The following KANK1 variants were observed in gnomAD, a reference collection of about 807,000 sequenced individuals.
KANK1 encodes the protein KN motif and ankyrin repeat domains 1, also known as KN motif and ankyrin repeat domain-containing protein 1.
A neutral mutation model predicts 106.2 loss-of-function variants in KANK1; 109 were observed. The ratio of observed to expected loss-of-function variants is 1.03; its 90% CI spans 0.88 to 1.20. KANK1 has a LOEUF of 1.20. KANK1 is among the 50% of genes most tolerant of loss of function. The probability of loss-of-function intolerance (pLI) is 0.00; values close to 1 mark genes in which losing one functional copy is unlikely to be tolerated. For synonymous variants in KANK1, 873 were observed against 652.2 expected, an observed-to-expected ratio of 1.34 and a Z score of -5.16; for missense variants, 2,399 against 1,710.7, an observed-to-expected ratio of 1.40 and a Z score of -7.10.
rs764903391 is a variant in KANK1, at chr9:660,071, A to G, written c.-83-16819A>G. On this transcript the variant is annotated intron_variant, in intron 1 of 11. Transcript: ENST00000382297. ...ACCTGTCCTGCTGGCACTGAGGATT[A>G]TATCCATATAAGAATTCATCCAACA... is the stretch of plus-strand genomic sequence containing the variant. 52 of 420,570 alleles carry G rather than the reference A, an allele frequency of 1.2e-4. 1 individual carries two copies. The highest frequency in any genetic ancestry group is 3.9e-4 in the Admixed American group (16 of 41,342). 26.1% of individuals were successfully genotyped at this position (420,570 alleles called of 1,614,324 possible).
intron 1 of KANK1, among the ~76,000 whole-genome samples, chr9:561,898 C>T (rs1816545362): frequency 6.6e-6 from 1 of 152,116 alleles, no homozygotes; most frequent in African/African-American, 2.4e-5. Flanking sequence ...TAGAAATTGA[C>T]CAAGGAAGAG....
In KANK1 at chr9:518,537, C is replaced by T. The variant is rs1454083542; in HGVS notation, c.-84+13783C>T. Among the ~76,000 whole-genome samples the T allele has an allele frequency of 4.0e-5, 6 of 151,810 alleles. No individual in the cohort carries two copies. In the East Asian group the frequency reaches 9.6e-4, roughly 24 times the overall value. On this transcript the variant is annotated intron_variant, in intron 1 of 11. Transcript: ENST00000382297. ...TCTAGAATCGAAACTCTACTATTTC[C>T]TGCGAGGTGTATGTTTTCTTTGCTT...
intron 2 of KANK1, chr9:693,308 C>G (rs549804694): frequency 2.1e-4 from 170 of 828,930 alleles, no homozygotes; most frequent in Non-Finnish European, 2.4e-4. Flanking sequence ...AGCTGCTGTG[C>G]TATAGCTCAA....
intron 1 of KANK1, among the ~76,000 whole-genome samples, chr9:630,195 C>T (rs529302184): frequency 6.6e-6 from 1 of 152,022 alleles, no homozygotes; most frequent in South Asian, 2.1e-4. Flanking sequence ...CTGCAGTGAG[C>T]TGAGGTTGCA....
rs974641108 is a variant in KANK1, at chr9:646,955, C to G, written c.-83-29935C>G. Among the ~76,000 whole-genome samples the G allele has an allele frequency of 9.9e-5, 15 of 150,818 alleles. 2 individuals carry two copies. The highest frequency in any genetic ancestry group is 3.0e-4 in the African/African-American group (12 of 40,148). On this transcript the variant is annotated intron_variant, in intron 1 of 11. Transcript: ENST00000382297. The stretch of plus-strand genomic sequence containing the variant: ...TGAAGTAATCCACCCGCCTCAGCCT[C>G]CCAAAGTATTGGGATTACCGGCGTG...
At chr9:616,076 G>C (rs1831754646) in intron 1 of KANK1, among the ~76,000 whole-genome samples, 2 of 152,140 alleles carry the variant, frequency 1.3e-5, no homozygotes, top group African/African-American at 2.4e-5. Flanking sequence ...TCCCCACCCA[G>C]CATCAGCCGA....
At chr9:638,299 G>A (rs1339098363) in intron 1 of KANK1, among the ~76,000 whole-genome samples, 5 of 152,238 alleles carry the variant, frequency 3.3e-5, no homozygotes, top group East Asian at 3.9e-4. Context: ...TGTGGTAAAC[G>A]CCTTCTTGCT....
chr9:656,870 A>T (rs1225004611), intron 1 of KANK1, among the ~76,000 whole-genome samples: 1 of 148,554 alleles, frequency 6.7e-6, no homozygotes, highest in African/African-American at 2.4e-5. Flanking sequence ...TGCTACTTCT[A>T]CTTTTTTCCT....
chr9:612,931 C>T (rs1427478467), intron 1 of KANK1, among the ~76,000 whole-genome samples: 1 of 152,120 alleles, frequency 6.6e-6, no homozygotes, highest in African/African-American at 2.4e-5. Flanking sequence ...TGGTTACATG[C>T]AGAGGATCCC....
At chr9:623,467 A>G (rs911376179) in intron 1 of KANK1, among the ~76,000 whole-genome samples, 15 of 151,948 alleles carry the variant, frequency 9.9e-5, no homozygotes, top group African/African-American at 2.7e-4. Flanking sequence ...GCATGCACCT[A>G]TAGTCTCAGT....
intron 1 of KANK1, among the ~76,000 whole-genome samples, chr9:619,073 T>G (rs923660201): frequency 2.0e-5 from 3 of 152,292 alleles, no homozygotes; most frequent in African/African-American, 7.2e-5. Flanking sequence ...GGAGAGAAAA[T>G]GGCCATAACT....
At chr9:722,329 CTG>C (rs1554708584) in intron 3 of KANK1, among the ~76,000 whole-genome samples, 1 of 152,058 alleles carries the variant, frequency 6.6e-6, no homozygotes, top group African/African-American at 2.4e-5. Flanking sequence ...CTCTCTCTCT[CTG>C]TCTCTCTGTC....
At chr9:608,129 C>G (rs1394178941) in intron 1 of KANK1, among the ~76,000 whole-genome samples, 2 of 147,676 alleles carry the variant, frequency 1.4e-5, no homozygotes, top group Non-Finnish European at 3.0e-5. Flanking sequence ...GCTCCGCTTC[C>G]CGGGTTCACG....
At chr9:662,716 C>T (rs1296274992) in intron 1 of KANK1, among the ~76,000 whole-genome samples, 3 of 147,896 alleles carry the variant, frequency 2.0e-5, no homozygotes, top group East Asian at 4.0e-4. Context: ...GGCTGGAGTG[C>T]AGTGGCGCGA....
At chr9:639,486 T>G (rs775822548) in intron 1 of KANK1, among the ~76,000 whole-genome samples, 1 of 151,940 alleles carries the variant, frequency 6.6e-6, no homozygotes, top group African/African-American at 2.4e-5. Context: ...CTGGCTAGTT[T>G]TTGTATTCTT....
intron 2 of KANK1, among the ~76,000 whole-genome samples, chr9:702,629 T>G (rs887211340): frequency 5.3e-5 from 8 of 152,024 alleles, no homozygotes; most frequent in Admixed American, 2.0e-4. Flanking sequence ...CCACTGGGTA[T>G]TATAACATTT....
At chr9:522,284 G>A (rs56024310) in intron 1 of KANK1, among the ~76,000 whole-genome samples, 1,592 of 151,742 alleles carry the variant, frequency 0.01, 87 homozygotes, top group African/African-American at 0.036. Context: ...GAAAGATGCC[G>A]CAAGTGTTTT....
intron 1 of KANK1, among the ~76,000 whole-genome samples, chr9:595,128 C>T (rs915190005): frequency 2.6e-5 from 4 of 151,750 alleles, no homozygotes; most frequent in Admixed American, 6.6e-5. Context: ...TAAAATGCAA[C>T]GATGGCCCGG....
At chr9:660,694 C>A (rs1289889740) in intron 1 of KANK1, among the ~76,000 whole-genome samples, 1 of 152,130 alleles carries the variant, frequency 6.6e-6, no homozygotes, top group Non-Finnish European at 1.5e-5. Flanking sequence ...ACTGTCACCA[C>A]CCGAACAATC....
Sources: allele counts gnomAD v4.1 joint callset (sites outside exome capture counted in the v4.1 genomes callset), GRCh38; gene constraint gnomAD v4.1.1; transcripts MANE v1.5; gene names NCBI Gene and HGNC (gene_info 2026-07-23, HGNC 2026-07-21).